Variants in ANGPT1 observed in about 807,000 individuals in gnomAD.
ANGPT1 encodes the protein angiopoietin-1.
ANGPT1 carries 17 observed loss-of-function variants against 62.2 expected under a neutral mutation model. The observed-to-expected ratio is 0.27, with a 90% CI of 0.19 to 0.41. ANGPT1 has a LOEUF of 0.41. Ranked by LOEUF, ANGPT1 falls within the 10% of genes least tolerant of loss-of-function variation. The pLI, the probability that ANGPT1 is intolerant of heterozygous loss-of-function variation, is 1.00. For synonymous variants in ANGPT1, 199 were observed against 198.9 expected (o/e 1.00, Z 0.00); for missense variants, 478 against 594.9 (o/e 0.80, Z 2.04).
At chr8:107,373,337 G>C (rs989347175) in intron 1 of ANGPT1, among the ~76,000 whole-genome samples, 2 of 151,774 alleles carry the variant, frequency 1.3e-5, no homozygotes, top group Non-Finnish European at 2.9e-5. Context: ...AAATTTTGAA[G>C]GAACACTGTC....
At chr8:107,321,058 T>C (rs1039893871) in intron 4 of ANGPT1, among the ~76,000 whole-genome samples, 25 of 152,080 alleles carry the variant, frequency 1.6e-4, no homozygotes, top group African/African-American at 5.6e-4. Flanking sequence ...ATTAGAGAAA[T>C]ACAGAAGATG....
intron 1 of ANGPT1, among the ~76,000 whole-genome samples, chr8:107,356,398 G>A (rs913029430): frequency 6.6e-6 from 1 of 152,138 alleles, no homozygotes; most frequent in Non-Finnish European, 1.5e-5. Flanking sequence ...CTGGACTGAA[G>A]GTATCAATGT....
intron 8 of ANGPT1, among the ~76,000 whole-genome samples, chr8:107,255,551 A>C (rs973989636): frequency 6.6e-6 from 1 of 152,208 alleles, no homozygotes; most frequent in African/African-American, 2.4e-5. Flanking sequence ...AATAGTACCA[A>C]TAGTATTTGA....
intron 1 of ANGPT1, among the ~76,000 whole-genome samples, chr8:107,394,400 G>C (rs1283702): frequency 0.78 from 119,154 of 152,124 alleles, 46,839 homozygotes; most frequent in East Asian, 0.92. Flanking sequence ...GAAAGCCAGC[G>C]CCAGTCTCAG....
chr8:107,484,852 T>G (rs1289951848), intron 1 of ANGPT1, among the ~76,000 whole-genome samples: 1 of 152,216 alleles, frequency 6.6e-6, no homozygotes, highest in African/African-American at 2.4e-5. Context: ...ATGTATCTCA[T>G]GTAATGCAAG....
rs149628829 is a variant in ANGPT1 at position 107,303,371 on chromosome 8, C to CAAAA, written c.809-8_809-5dup. ...CTTTTTCCTCCCTTTAGTAAAACTG[C>CAAAA]AAAAAAAAAAAAAAAGATTGCAATA... On this transcript the variant is annotated splice_polypyrimidine_tract_variant and splice_region_variant and intron_variant, in intron 4 of 8. Coordinates refer to ENST00000517746, the MANE Select transcript of ANGPT1 (RefSeq NM_001146.5). The CAAAA allele has an allele frequency of 3.3e-5, 47 of 1,428,860 alleles. No homozygotes were observed. In the African/African-American group the frequency reaches 4.3e-4, roughly 13 times the overall value. The allele number at this position is 1,428,860 out of a possible 1,614,324, so 88.5% of individuals were successfully genotyped here.
At chr8:107,435,854 C>T (rs1257953696) in intron 1 of ANGPT1, among the ~76,000 whole-genome samples, 1 of 152,168 alleles carries the variant, frequency 6.6e-6, no homozygotes, top group African/African-American at 2.4e-5. Flanking sequence ...AGACCCATTG[C>T]ACCTTCAAAA....
At chr8:107,261,064 T>C (rs1224722929) in intron 8 of ANGPT1, among the ~76,000 whole-genome samples, 1 of 152,148 alleles carries the variant, frequency 6.6e-6, no homozygotes, top group African/African-American at 2.4e-5. Flanking sequence ...TCATGTATTG[T>C]ATTTATTTGG....
intron 1 of ANGPT1, among the ~76,000 whole-genome samples, chr8:107,373,945 G>A (rs1654715): frequency 0.75 from 113,377 of 152,136 alleles, 43,107 homozygotes; most frequent in East Asian, 0.87. Flanking sequence ...CACTCAACTC[G>A]TGAAATGCTT....
intron 5 of ANGPT1, among the ~76,000 whole-genome samples, chr8:107,296,648 G>A (rs1016156986): frequency 3.9e-5 from 6 of 152,014 alleles, no homozygotes; most frequent in African/African-American, 1.4e-4. Flanking sequence ...GAGAAAAAAG[G>A]GAAGTGAAAA....
intron 1 of ANGPT1, among the ~76,000 whole-genome samples, chr8:107,430,434 G>A (rs1811152713): frequency 1.3e-5 from 2 of 152,132 alleles, no homozygotes; most frequent in East Asian, 3.9e-4. Context: ...AGCTCCTTGA[G>A]GGCAGAGTTC....
intron 1 of ANGPT1, among the ~76,000 whole-genome samples, chr8:107,457,297 A>G (rs1037326118): frequency 6.6e-6 from 1 of 152,108 alleles, no homozygotes; most frequent in Non-Finnish European, 1.5e-5. Flanking sequence ...GCACATATGA[A>G]TGTCTTCCTG....
chr8:107,254,777 A>G (rs1813320744), intron 8 of ANGPT1, among the ~76,000 whole-genome samples: 1 of 152,154 alleles, frequency 6.6e-6, no homozygotes, highest in East Asian at 1.9e-4. Flanking sequence ...AGTCCTGGTG[A>G]GAAGTTCAAT....
intron 8 of ANGPT1, among the ~76,000 whole-genome samples, chr8:107,257,876 G>GTTTTTTTTTTTTTTTTTT (rs1371396961): frequency 2.0e-4 from 17 of 85,268 alleles, no homozygotes; most frequent in South Asian, 4.3e-4. Flanking sequence ...ACTTGTTTTT[G>GTTTTTTTTTTTTTTTTTT]TTTCTTTTTT....
chr8:107,463,006 T>C (rs1460827021), intron 1 of ANGPT1, among the ~76,000 whole-genome samples: 1 of 152,130 alleles, frequency 6.6e-6, no homozygotes, highest in Non-Finnish European at 1.5e-5. Flanking sequence ...ACATACTGTG[T>C]AATCCCCTCC....
At chr8:107,260,063 T>C (rs138737173) in intron 8 of ANGPT1, among the ~76,000 whole-genome samples, 1 of 152,136 alleles carries the variant, frequency 6.6e-6, no homozygotes, top group African/African-American at 2.4e-5. Context: ...ATTTGTTTAA[T>C]AGTAATTAAC....
At chr8:107,430,319 T>C (rs898316147) in intron 1 of ANGPT1, among the ~76,000 whole-genome samples, 1 of 152,206 alleles carries the variant, frequency 6.6e-6, no homozygotes, top group African/African-American at 2.4e-5. Context: ...TGCGTGGTTC[T>C]TTCTGTACCA....
chr8:107,485,656 A>G (rs961005001), intron 1 of ANGPT1, among the ~76,000 whole-genome samples: 1 of 152,230 alleles, frequency 6.6e-6, no homozygotes. Context: ...GTCATTGCCT[A>G]AGGAAACAAG....
intron 1 of ANGPT1, among the ~76,000 whole-genome samples, chr8:107,474,677 A>C (rs902738709): frequency 5.3e-5 from 8 of 152,202 alleles, no homozygotes; most frequent in African/African-American, 1.9e-4. Flanking sequence ...TTGGATATCT[A>C]GAAAACCCCA....
Sources: gnomAD v4.1 joint callset for allele counts (sites outside exome capture counted in the v4.1 genomes callset) on GRCh38, gnomAD v4.1.1 for gene constraint, MANE v1.5 for transcripts, NCBI Gene and HGNC (gene_info 2026-07-23, HGNC 2026-07-21) for gene names.